Variants in CPA6 observed in about 807,000 individuals in gnomAD.
CPA6 encodes the protein carboxypeptidase B.
In CPA6, 58 loss-of-function variants were observed where a neutral mutation model predicts 63.3. The ratio of observed to expected loss-of-function variants is 0.92; its 90% CI spans 0.74 to 1.14. The LOEUF is 1.14. Ranked by LOEUF, CPA6 falls within the 50% of genes most tolerant of loss-of-function variation. The pLI, the probability that CPA6 is intolerant of heterozygous loss-of-function variation, is 0.00. For synonymous variants in CPA6, 185 were observed against 179.0 expected, an observed-to-expected ratio of 1.03 and a Z score of -0.27; for missense variants, 565 against 526.6, an observed-to-expected ratio of 1.07 and a Z score of -0.71.
chr8:67,475,870 T>C (rs1309690257), intron 8 of CPA6, among the ~76,000 whole-genome samples: 87 of 92,136 alleles, frequency 9.4e-4, no homozygotes, highest in East Asian at 2.1e-3. Context: ...TTTCTTTCTT[T>C]CTTTCTTTCT....
chr8:67,723,183 C>G (rs1817534363), intron 1 of CPA6, among the ~76,000 whole-genome samples: 1 of 152,102 alleles, frequency 6.6e-6, no homozygotes, highest in South Asian at 2.1e-4. Flanking sequence ...TACTGATGGA[C>G]TTTGTTTTCA....
At chr8:67,514,984 T>C (rs1812112927) in intron 3 of CPA6, among the ~76,000 whole-genome samples, 1 of 152,224 alleles carries the variant, frequency 6.6e-6, no homozygotes, top group Non-Finnish European at 1.5e-5. Flanking sequence ...GATATCCTTC[T>C]GGCAGGGCAG....
intron 1 of CPA6, among the ~76,000 whole-genome samples, chr8:67,732,264 C>T (rs184091018): frequency 6.6e-6 from 1 of 152,170 alleles, no homozygotes; most frequent in African/African-American, 2.4e-5. Flanking sequence ...CTCCGAAAGC[C>T]GTAAGGGCAA....
intron 1 of CPA6, among the ~76,000 whole-genome samples, chr8:67,692,878 T>C (rs903055539): frequency 1.3e-5 from 2 of 152,196 alleles, no homozygotes; most frequent in Admixed American, 6.5e-5. Context: ...GCTGATGATA[T>C]ACAGAGTTAT....
At chr8:67,567,945 A>C (rs879820147) in intron 2 of CPA6, among the ~76,000 whole-genome samples, 2 of 152,096 alleles carry the variant, frequency 1.3e-5, no homozygotes, top group Non-Finnish European at 2.9e-5. Flanking sequence ...GAAACAAAGC[A>C]AGGAGGTGAG....
chr8:67,541,811 C>T (rs1423561892), intron 2 of CPA6, among the ~76,000 whole-genome samples: 2 of 152,172 alleles, frequency 1.3e-5, no homozygotes, highest in Non-Finnish European at 1.5e-5. Context: ...CTTTGGCTCG[C>T]CCTCTGTGGG....
intron 8 of CPA6, among the ~76,000 whole-genome samples, chr8:67,441,317 A>G (rs1396515111): frequency 6.6e-6 from 1 of 152,148 alleles, no homozygotes; most frequent in African/African-American, 2.4e-5. Flanking sequence ...AAATGTTAAA[A>G]CTCTACTAAA....
At chr8:67,709,503 A>T (rs1298841833) in intron 1 of CPA6, among the ~76,000 whole-genome samples, 1 of 152,232 alleles carries the variant, frequency 6.6e-6, no homozygotes, top group Non-Finnish European at 1.5e-5. Context: ...TGATAAATAA[A>T]GGAGGGCCTT....
intron 1 of CPA6, among the ~76,000 whole-genome samples, chr8:67,719,886 A>G (rs555452404): frequency 6.6e-6 from 1 of 152,292 alleles, no homozygotes; most frequent in South Asian, 2.1e-4. Flanking sequence ...GAACTATTTT[A>G]GAGAAGTTGG....
intron 6 of CPA6, among the ~76,000 whole-genome samples, chr8:67,497,718 G>A (rs1274881628): frequency 6.6e-6 from 1 of 151,454 alleles, no homozygotes; most frequent in African/African-American, 2.4e-5. Flanking sequence ...TTGAAATGGG[G>A]TCTTGCTCTG....
chr8:67,547,450 T>C (rs1425909986), intron 2 of CPA6, among the ~76,000 whole-genome samples: 1 of 151,984 alleles, frequency 6.6e-6, no homozygotes, highest in Non-Finnish European at 1.5e-5. Context: ...AAGATAAACA[T>C]AGTATAAAAT....
rs574007642 is a variant in CPA6, at chr8:67,681,278, C to T, written c.117-57027G>A. Among the ~76,000 whole-genome samples, 73 of 135,244 alleles carry T rather than the reference C, an allele frequency of 5.4e-4. 2 individuals carry two copies. The highest frequency in any genetic ancestry group is 7.6e-4 in the Non-Finnish European group (50 of 65,762). 88.7% of individuals were successfully genotyped at this position (135,244 alleles called of 152,430 possible). ...ACTGCGGACTGCAGTGGCGCAATCT[C>T]GGCTCACTGCAAGCTCCGCTTCCCG... is the stretch of plus-strand genomic sequence containing the variant. On this transcript the variant is annotated intron_variant, in intron 1 of 10. Coordinates refer to ENST00000297770, the MANE Select transcript of CPA6 (RefSeq NM_020361.5).
intron 2 of CPA6, among the ~76,000 whole-genome samples, chr8:67,586,177 T>C (rs369147931): frequency 4.6e-5 from 7 of 152,120 alleles, no homozygotes; most frequent in Admixed American, 2.0e-4. Context: ...CTCATAGGGA[T>C]AGCATGAGGA....
rs192832712 is a variant in CPA6 at position 67,718,688 on chromosome 8, C to A, written c.116+27326G>T. Among the ~76,000 whole-genome samples, 79 of 150,858 alleles carry A rather than the reference C, an allele frequency of 5.2e-4. 1 individual carries two copies. Among genetic ancestry groups the A allele is most frequent in the Middle Eastern group, 3.4e-3 (1 of 294 alleles). On this transcript the variant is annotated intron_variant, in intron 1 of 10. Coordinates refer to ENST00000297770, the MANE Select transcript of CPA6 (RefSeq NM_020361.5). ...TTTGAGATGTAGTGTTGCTCTGTCACCAGGCTGGAGTGCAGTGGCGTGATC... is the reference window on the plus strand; with the variant it reads ...TTTGAGATGTAGTGTTGCTCTGTCAACAGGCTGGAGTGCAGTGGCGTGATC...
At chr8:67,715,181 C>A (rs1817351870) in intron 1 of CPA6, among the ~76,000 whole-genome samples, 1 of 152,190 alleles carries the variant, frequency 6.6e-6, no homozygotes, top group South Asian at 2.1e-4. Context: ...GCTGACTACC[C>A]AGAGTTAGCT....
chr8:67,635,614 A>G (rs1815450689), intron 1 of CPA6, among the ~76,000 whole-genome samples: 1 of 151,530 alleles, frequency 6.6e-6, no homozygotes, highest in Admixed American at 6.6e-5. Context: ...CTAAAAATAC[A>G]AAATTAGCTG....
At chr8:67,503,515 C>G (rs1213266864) in intron 6 of CPA6, among the ~76,000 whole-genome samples, 1 of 150,206 alleles carries the variant, frequency 6.7e-6, no homozygotes, top group Admixed American at 6.6e-5. Flanking sequence ...ACTATGTTGC[C>G]CAGGCTGATC....
At chr8:67,485,064 A>T (rs888067223) in intron 6 of CPA6, among the ~76,000 whole-genome samples, 5 of 152,226 alleles carry the variant, frequency 3.3e-5, no homozygotes, top group African/African-American at 1.2e-4. Flanking sequence ...TTTTAGGCTG[A>T]TTAAGAAAGC....
intron 6 of CPA6, among the ~76,000 whole-genome samples, chr8:67,505,422 T>C (rs936293298): frequency 6.6e-6 from 1 of 152,190 alleles, no homozygotes; most frequent in Non-Finnish European, 1.5e-5. Context: ...GGGAAAACTT[T>C]AGCTGGAATG....
Sources: allele counts gnomAD v4.1 joint callset (sites outside exome capture counted in the v4.1 genomes callset), GRCh38; gene constraint gnomAD v4.1.1; transcripts MANE v1.5; gene names NCBI Gene and HGNC (gene_info 2026-07-23, HGNC 2026-07-21).